The following COL12A1 variants were observed in gnomAD, a reference collection of about 807,000 sequenced individuals.
COL12A1 encodes collagen alpha-1(XII) chain.
In COL12A1, 114 loss-of-function variants were observed where a neutral mutation model predicts 349.7. The observed-to-expected ratio is 0.33, with a 90% CI of 0.28 to 0.38. COL12A1 has a LOEUF of 0.38. Ranked by LOEUF, COL12A1 falls within the 10% of genes least tolerant of loss-of-function variation. COL12A1 has a pLI of 1.00. For missense variants in COL12A1, 3,284 were observed against 3,756.9 expected, an observed-to-expected ratio of 0.87 and a Z score of 3.29; for synonymous variants, 1,369 against 1,329.0, an observed-to-expected ratio of 1.03 and a Z score of -0.66.
rs769518880 is a variant in COL12A1, at chr6:75,142,076, T to G, written c.4913A>C (p.His1638Pro). The G allele has an allele frequency of 2.5e-6, 4 of 1,614,138 alleles. No homozygotes were observed. Among genetic ancestry groups the G allele is most frequent in the South Asian group, 2.2e-5 (2 of 91,084 alleles). Residue 1638 changes from histidine to proline, a missense_variant, in exon 27 of 66, where the codon CAT (histidine) becomes CCT (proline). By Grantham distance (77) the His-to-Pro change is moderately conservative. Coordinates refer to ENST00000322507, the MANE Select transcript of COL12A1 (RefSeq NM_004370.6). ...CACTGGAGGAGACTCCCCCTCGTCA[T>G]GTACTGCAGAAACGCTGACTGTGTA... ...TLYTVSVSAV[H>P]DEGESPPVTA...
chr6:75,145,520 A>G, intron 24 of COL12A1, 65 bp from the exon 25 acceptor site: 1 of 1,538,320 alleles, frequency 6.5e-7, no homozygotes, highest in East Asian at 2.3e-5. Context: ...TACCTTTGGA[A>G]TAGTCAACTG....
At chr6:75,177,972 A>C in intron 11 of COL12A1, 37 bp from the exon 12 acceptor site, 1 of 1,546,308 alleles carries the variant, frequency 6.5e-7, no homozygotes. Flanking sequence ...TTAAACCATA[A>C]ATTGACTGAC....
intron 51 of COL12A1, 50 bp downstream of exon 51, chr6:75,113,154 G>T: frequency 3.2e-6 from 3 of 936,558 alleles, no homozygotes; most frequent in African/African-American, 1.7e-5. Context: ...TAATAAATTT[G>T]TTTTATATTT....
intron 2 of COL12A1, among the ~76,000 whole-genome samples, chr6:75,199,136 C>G (rs572771952): frequency 6.6e-6 from 1 of 152,104 alleles, no homozygotes; most frequent in Non-Finnish European, 1.5e-5. Context: ...TTAAACTTTC[C>G]GGATCAACCA....
intron 37 of COL12A1, among the ~76,000 whole-genome samples, chr6:75,128,825 G>A (rs1766152265): frequency 6.6e-6 from 1 of 152,190 alleles, no homozygotes. Flanking sequence ...TACCCGCTGT[G>A]GACCAGGCAC....
In COL12A1 at chr6:75,189,748, A is replaced by G; in HGVS notation, c.462T>C (p.Asn154=). Residue 154 remains asparagine, a synonymous_variant, in exon 6 of 66, where the codon AAT becomes AAC. Coordinates refer to ENST00000322507, the MANE Select transcript of COL12A1 (RefSeq NM_004370.6). ...LVDGSWSVGR[N]NFKYILDFIA... ...TGAAGTCTAAAATGTACTTGAAATT[A>G]TTTCTTCCCACACTCCAAGAGCCAT... 6.2e-7 allele frequency: 1 copy of G among 1,613,266 alleles called. No individual in the cohort carries two copies. Among genetic ancestry groups the G allele is most frequent in the Non-Finnish European group, 8.5e-7 (1 of 1,179,390 alleles).
chr6:75,133,216 T>C, intron 34 of COL12A1, 77 bp downstream of exon 34: 38 of 1,289,912 alleles, frequency 2.9e-5, no homozygotes, highest in Non-Finnish European at 3.8e-5. Context: ...CTAATTCTCT[T>C]TAATGGGCCT....
intron 14 of COL12A1, among the ~76,000 whole-genome samples, chr6:75,161,315 A>G (rs774200847): frequency 1.3e-5 from 2 of 152,168 alleles, no homozygotes; most frequent in Non-Finnish European, 2.9e-5. Flanking sequence ...CATTACTTAT[A>G]ATACAATGTA....
At chr6:75,134,149 C>A in intron 32 of COL12A1, 152 bp from the exon 33 acceptor site, 1 of 813,264 alleles carries the variant, frequency 1.2e-6, no homozygotes, top group South Asian at 1.9e-5. Context: ...ACACTGTGTC[C>A]GCGTCAGCCT....
intron 8 of COL12A1, among the ~76,000 whole-genome samples, chr6:75,187,564 G>T (rs1219354964): frequency 1.3e-5 from 2 of 152,112 alleles, no homozygotes; most frequent in Non-Finnish European, 2.9e-5. Context: ...GTAAAACAAA[G>T]GATAGATTGA....
rs1440299202 is a variant in COL12A1 at position 75,119,048 on chromosome 6, T to C, written c.7349A>G (p.Gln2450Arg). 1 of 1,613,852 alleles carries C rather than the reference T, an allele frequency of 6.2e-7. No individual in the cohort carries two copies. Among genetic ancestry groups the C allele is most frequent in the Admixed American group, 1.7e-5 (1 of 59,994 alleles). ...AAATTCATGTATGTGCTTGCCTGAC[T>C]GCTGGATGACCAAAGCCGCCTTCTT... ...EVKKAALVIQ[Q>R]SGFSVFVVGV... The change falls in exon 46 of 66, where the codon CAG becomes CGG. Residue 2450 changes from glutamine to arginine, a missense_variant. This residue lies in a region of COL12A1 where 683 missense variants were observed against 932.1 expected (regional missense o/e 0.73). Coordinates refer to ENST00000322507, the MANE Select transcript of COL12A1 (RefSeq NM_004370.6).
At chr6:75,151,077 A>AT in intron 21 of COL12A1, 64 bp downstream of exon 21, 1 of 663,046 alleles carries the variant, frequency 1.5e-6, no homozygotes, top group Non-Finnish European at 2.2e-6. Flanking sequence ...CCCACCCAAA[A>AT]GAATAATTAT....
intron 58 of COL12A1, among the ~76,000 whole-genome samples, chr6:75,101,283 C>A (rs1176755395): frequency 8.5e-5 from 13 of 152,286 alleles, no homozygotes; most frequent in Admixed American, 7.2e-4. Context: ...AGATTTAAAA[C>A]AATTTGCTGA....
At chr6:75,095,813 G>A (rs965674228) in intron 59 of COL12A1, among the ~76,000 whole-genome samples, 2 of 152,266 alleles carry the variant, frequency 1.3e-5, no homozygotes, top group African/African-American at 2.4e-5. Flanking sequence ...CAAAGTGGAT[G>A]TGCAGAAAGC....
chr6:75,085,454 G>A lies in COL12A1; in HGVS notation c.*1093C>T. 1 of 424,262 alleles carries A rather than the reference G, an allele frequency of 2.4e-6. No individual in the cohort carries two copies. The highest frequency in any genetic ancestry group is 1.7e-5 in the South Asian group (1 of 58,054). The allele number at this position is 424,262 out of a possible 1,614,324, so 26.3% of individuals were successfully genotyped here. On this transcript the variant is annotated 3_prime_UTR_variant, in exon 66 of 66. Coordinates refer to ENST00000322507, the MANE Select transcript of COL12A1 (RefSeq NM_004370.6). ...AAGCTAAATCATCACCCGCGGTGATGGCACTCCAGTCTTAATCTCATAACT... is the reference window on the plus strand; with the variant it reads ...AAGCTAAATCATCACCCGCGGTGATAGCACTCCAGTCTTAATCTCATAACT...
intron 55 of COL12A1, among the ~76,000 whole-genome samples, chr6:75,103,212 C>T (rs1274635361): frequency 6.6e-6 from 1 of 152,176 alleles, no homozygotes; most frequent in African/African-American, 2.4e-5. Flanking sequence ...TAATCTTGCC[C>T]TTTCCTAATG....
At chr6:75,098,598 G>C (rs1022835704) in intron 58 of COL12A1, among the ~76,000 whole-genome samples, 1 of 152,196 alleles carries the variant, frequency 6.6e-6, no homozygotes, top group East Asian at 1.9e-4. Flanking sequence ...GGTCAGGGCT[G>C]CAGTGAGCTG....
chr6:75,087,794 A>G (rs776054700), intron 64 of COL12A1, 47 bp from the exon 65 acceptor site: 15 of 1,577,020 alleles, frequency 9.5e-6, no homozygotes, highest in Non-Finnish European at 2.6e-6. Flanking sequence ...GTCAAATACA[A>G]CTCCTGAGGT....
chr6:75,116,057 C>T lies in COL12A1; in HGVS notation c.7520G>A (p.Ser2507Asn). 1 of 1,613,182 alleles carries T rather than the reference C, an allele frequency of 6.2e-7. No individual in the cohort carries two copies. Among genetic ancestry groups the T allele is most frequent in the Non-Finnish European group, 8.5e-7 (1 of 1,179,460 alleles). ...GCCATCCAAATAAATGAGAGGACAA[C>T]CTGCAATGTACAGTGTTCTTTAAGT... ...ITFVCETATS[S>N]CPLIYLDGYT... Residue 2507 changes from serine (S) to asparagine (N), a missense_variant and splice_region_variant, in exon 48 of 66, where the codon AGT becomes AAT. Transcript: ENST00000322507.
Sources: allele counts gnomAD v4.1 joint callset (sites outside exome capture counted in the v4.1 genomes callset), GRCh38; gene constraint gnomAD v4.1.1; regional missense constraint gnomAD v4.1.1; transcripts MANE v1.5; gene names NCBI Gene and HGNC (gene_info 2026-07-23, HGNC 2026-07-21).